Variants in SPECC1 observed in about 807,000 individuals in gnomAD.
SPECC1 encodes cytospin-B.
A neutral mutation model predicts 104.1 loss-of-function variants in SPECC1; 62 were observed. That is an observed-to-expected ratio of 0.60 (90% confidence interval 0.49 to 0.74). The LOEUF is 0.74. SPECC1 is among the 30% of genes least tolerant of loss of function. The pLI, the probability that SPECC1 is intolerant of heterozygous loss-of-function variation, is 0.00. For missense variants in SPECC1, 1,306 were observed against 1,310.5 expected (o/e 1.00, Z 0.05); for synonymous variants, 513 against 501.6 (o/e 1.02, Z -0.30).
rs555248418 is a variant in SPECC1 at position 20,208,847 on chromosome 17, G to A, written c.1863+2935G>A. On this transcript the variant is annotated intron_variant, in intron 4 of 14. Transcript: ENST00000395527. Reference sequence around the variant, plus strand: ...GACAGGTTCTCGTTTTGTCACTTAGGCTGGAGTGTAGTGGCGATTATAGCT... The same window carrying A: ...GACAGGTTCTCGTTTTGTCACTTAGACTGGAGTGTAGTGGCGATTATAGCT... Among the ~76,000 whole-genome samples the A allele has an allele frequency of 3.4e-4, 51 of 152,208 alleles. 2 individuals are homozygous for A. The South Asian group carries it at 6.9e-3, about 20-fold the overall frequency.
At chr17:20,237,315 GTTTTT>G (rs10713362) in intron 7 of SPECC1, 7 of 910,688 alleles carry the variant, frequency 7.7e-6, no homozygotes, top group Non-Finnish European at 7.9e-6. Flanking sequence ...GTTTTGTTTT[GTTTTT>G]TTTTTTTTTT....
intron 7 of SPECC1, among the ~76,000 whole-genome samples, chr17:20,233,105 C>T (rs961378611): frequency 2.0e-5 from 3 of 152,162 alleles, no homozygotes; most frequent in African/African-American, 7.2e-5. Context: ...AATTTATAAA[C>T]AGCATTTTTT....
chr17:20,019,791 AC>A (rs1007752332), intron 1 of SPECC1, among the ~76,000 whole-genome samples: 14 of 151,890 alleles, frequency 9.2e-5, no homozygotes, highest in African/African-American at 3.1e-4. Flanking sequence ...CACCCTGATC[AC>A]CCCCATCCAT....
intron 3 of SPECC1, chr17:20,156,255 G>A (rs2032499797): frequency 1.5e-6 from 2 of 1,342,616 alleles, no homozygotes; most frequent in Non-Finnish European, 9.6e-7. Context: ...GGCTGGCGGG[G>A]GTCGCGCCGC....
intron 3 of SPECC1, chr17:20,113,074 A>C: frequency 1.4e-6 from 1 of 717,706 alleles, no homozygotes; most frequent in Non-Finnish European, 2.5e-6. Flanking sequence ...AGTTGTCTAG[A>C]AGAAATAACA....
chr17:20,228,103 A>G (rs565995169), intron 5 of SPECC1, among the ~76,000 whole-genome samples: 11 of 152,346 alleles, frequency 7.2e-5, no homozygotes, highest in African/African-American at 1.9e-4. Flanking sequence ...TAAGAGATCA[A>G]TGATCATAGC....
At chr17:20,131,839 G>C (rs1264199253) in intron 3 of SPECC1, among the ~76,000 whole-genome samples, 1 of 151,860 alleles carries the variant, frequency 6.6e-6, no homozygotes, top group African/African-American at 2.4e-5. Context: ...TAGTAGAGAC[G>C]GGGTTTCACT....
intron 4 of SPECC1, among the ~76,000 whole-genome samples, chr17:20,223,540 G>A (rs1256200723): frequency 6.6e-6 from 1 of 152,028 alleles, no homozygotes; most frequent in East Asian, 1.9e-4. Flanking sequence ...GGGCGTGGTA[G>A]CGCCTGCCTG....
intron 1 of SPECC1, among the ~76,000 whole-genome samples, chr17:20,013,375 C>G (rs921112238): frequency 1.3e-5 from 2 of 152,334 alleles, no homozygotes; most frequent in African/African-American, 2.4e-5. Context: ...GTTATTCTCT[C>G]TCTTTTTTTG....
chr17:20,309,636 G>A (rs1384868101), intron 14 of SPECC1, among the ~76,000 whole-genome samples: 1 of 152,020 alleles, frequency 6.6e-6, no homozygotes, highest in Admixed American at 6.6e-5. Context: ...ATTTATAAGT[G>A]AGAACATGTC....
intron 3 of SPECC1, chr17:20,155,960 T>C (rs2032441153): frequency 1.6e-6 from 2 of 1,247,780 alleles, no homozygotes; most frequent in South Asian, 5.6e-5. Flanking sequence ...AGGATGCAGA[T>C]GAAGGGGGCG....
chr17:20,198,070 G>A (rs74255387), intron 3 of SPECC1, among the ~76,000 whole-genome samples: 13,978 of 152,194 alleles, frequency 0.092, 800 homozygotes, highest in Non-Finnish European at 0.13. Context: ...CTGGCTTGCA[G>A]CACCATTGCC....
chr17:20,137,537 G>A (rs1008703693), intron 3 of SPECC1, among the ~76,000 whole-genome samples: 28 of 151,934 alleles, frequency 1.8e-4, no homozygotes, highest in Admixed American at 1.6e-3. Flanking sequence ...AGGAATTATG[G>A]CAAAACAAAA....
chr17:20,254,067 C>T (rs937836918), intron 10 of SPECC1, among the ~76,000 whole-genome samples: 1 of 151,328 alleles, frequency 6.6e-6, no homozygotes, highest in Non-Finnish European at 1.5e-5. Flanking sequence ...GCTACTTCTG[C>T]AATTCTTAAA....
chr17:20,023,588 G>A (rs1314172288), intron 1 of SPECC1, among the ~76,000 whole-genome samples: 1 of 152,134 alleles, frequency 6.6e-6, no homozygotes, highest in East Asian at 1.9e-4. Flanking sequence ...CTAAATGAAG[G>A]GGGAAGAGGG....
chr17:20,071,419 A>AG (rs1278281160), intron 1 of SPECC1, among the ~76,000 whole-genome samples: 15 of 152,198 alleles, frequency 9.9e-5, no homozygotes, highest in African/African-American at 3.1e-4. Flanking sequence ...TCTCCTTTAG[A>AG]GAAGAATCAA....
At chr17:20,265,586 CTTTAG>C (rs1207864346) in intron 12 of SPECC1, among the ~76,000 whole-genome samples, 1 of 152,154 alleles carries the variant, frequency 6.6e-6, no homozygotes, top group Non-Finnish European at 1.5e-5. Flanking sequence ...TGAAGGAACT[CTTTAG>C]TTTAGTTAGA....
chr17:20,314,002 C>G lies in SPECC1; in HGVS notation c.3144C>G (p.Asp1048Glu). ...SLELSEMLYTDRPDWQSVMQY... is the reference protein window; with the variant it reads ...SLELSEMLYTERPDWQSVMQY... ...AACTCAGCGAGATGCTGTACACAGA[C>G]CGGCCCGACTGGCAGAGTGTGATGC... The change falls in exon 15 of 15, where the codon GAC becomes GAG. Residue 1048 changes from aspartate to glutamate, a missense_variant. Around this residue, in one of 2 missense-constraint regions of SPECC1, gnomAD observed 129 missense variants for 170.6 expected, o/e 0.76. Transcript: ENST00000395527. The G allele has an allele frequency of 6.2e-7, 1 of 1,614,174 alleles. No homozygotes were observed. Among genetic ancestry groups the G allele is most frequent in the Non-Finnish European group, 8.5e-7 (1 of 1,180,024 alleles).
chr17:20,200,050 C>T (rs1205511601), intron 3 of SPECC1, among the ~76,000 whole-genome samples: 1 of 152,182 alleles, frequency 6.6e-6, no homozygotes, highest in African/African-American at 2.4e-5. Context: ...CTTGACCTCC[C>T]AAATGTAGTA....
Sources: allele counts gnomAD v4.1 joint callset (sites outside exome capture counted in the v4.1 genomes callset), GRCh38; gene constraint gnomAD v4.1.1; regional missense constraint gnomAD v4.1.1; transcripts MANE v1.5; gene names NCBI Gene and HGNC (gene_info 2026-07-23, HGNC 2026-07-21).